MAPK8: variants seen among roughly 807,000 people sequenced by gnomAD.
The protein encoded by MAPK8 is JUN N-terminal kinase.
Under a neutral mutation model 52.9 loss-of-function variants are expected in MAPK8, and 13 were observed. The observed-to-expected ratio is 0.25, with a 90% CI of 0.16 to 0.39. The LOEUF (loss-of-function observed/expected upper bound fraction) is 0.39. Ranked by LOEUF, MAPK8 falls within the 10% of genes least tolerant of loss-of-function variation. MAPK8 has a pLI of 1.00. For missense variants in MAPK8, 300 were observed against 519.2 expected (o/e 0.58, Z 4.10); for synonymous variants, 191 against 169.8 (o/e 1.12, Z -0.97).
At chr10:48,382,573 T>C (rs1339689634) in intron 1 of MAPK8, among the ~76,000 whole-genome samples, 1 of 151,970 alleles carries the variant, frequency 6.6e-6, no homozygotes, top group Non-Finnish European at 1.5e-5. Context: ...TCAAGTTTAT[T>C]GTATATGCCT....
intron 1 of MAPK8, among the ~76,000 whole-genome samples, chr10:48,388,653 A>G (rs1421733773): frequency 1.3e-5 from 2 of 152,222 alleles, no homozygotes; most frequent in Non-Finnish European, 2.9e-5. Context: ...TCTTCAGTAT[A>G]TAATCTCAAT....
chr10:48,418,252 G>C (rs1475137394), intron 5 of MAPK8, among the ~76,000 whole-genome samples: 1 of 152,162 alleles, frequency 6.6e-6, no homozygotes, highest in Non-Finnish European at 1.5e-5. Flanking sequence ...GAGTTTCCCT[G>C]CTGCTCAACT....
In MAPK8 at chr10:48,391,692, C is replaced by A. The variant is rs190116003; in HGVS notation, c.-49-9920C>A. Among the ~76,000 whole-genome samples, 223 of 152,224 alleles carry A rather than the reference C, an allele frequency of 1.5e-3. 1 individual carries two copies. Among genetic ancestry groups the A allele is most frequent in the Middle Eastern group, 3.4e-3 (1 of 294 alleles). ...CCAATTCCATTCTGACACTAGTTAC[C>A]TGGAGATAGCATGAGATCTCACAAG... is the stretch of plus-strand genomic sequence containing the variant. On this transcript the variant is annotated intron_variant, in intron 1 of 11. Coordinates refer to ENST00000374189, the MANE Select transcript of MAPK8 (RefSeq NM_001323329.2).
intron 1 of MAPK8, among the ~76,000 whole-genome samples, chr10:48,389,148 CT>C (rs2041488569): frequency 6.6e-6 from 1 of 152,040 alleles, no homozygotes; most frequent in Non-Finnish European, 1.5e-5. Context: ...GAAAAATGAA[CT>C]TTGAGAATAC....
At chr10:48,356,899 CAAA>C (rs201368039) in intron 1 of MAPK8, among the ~76,000 whole-genome samples, 1 of 47,244 alleles carries the variant, frequency 2.1e-5, no homozygotes, top group East Asian at 7.3e-4. Flanking sequence ...CGTAGTTTAC[CAAA>C]AAAAAAAAAA....
chr10:48,356,314 G>C (rs1458554903), intron 1 of MAPK8, among the ~76,000 whole-genome samples: 1 of 152,132 alleles, frequency 6.6e-6, no homozygotes, highest in African/African-American at 2.4e-5. Flanking sequence ...AAGTTAATCA[G>C]TATGTGTGTC....
At chr10:48,399,479 C>T (rs1194992018) in intron 1 of MAPK8, among the ~76,000 whole-genome samples, 2 of 152,202 alleles carry the variant, frequency 1.3e-5, no homozygotes, top group African/African-American at 2.4e-5. Context: ...TATCCATGCT[C>T]ATCTGCCTGC....
chr10:48,381,466 T>C (rs1335976775), intron 1 of MAPK8, among the ~76,000 whole-genome samples: 1 of 152,214 alleles, frequency 6.6e-6, no homozygotes, highest in East Asian at 1.9e-4. Context: ...TAATTACATA[T>C]ATTAACTACG....
chr10:48,306,710 C>G lies in MAPK8; in HGVS notation c.-161C>G, dbSNP rs1841349121. The G allele has an allele frequency of 6.6e-6, 1 of 151,540 alleles. No individual in the cohort carries two copies. 9.4% of individuals were successfully genotyped at this position (151,540 alleles called of 1,614,324 possible). On this transcript the variant is annotated 5_prime_UTR_variant, in exon 1 of 12. Coordinates refer to ENST00000374189, the MANE Select transcript of MAPK8 (RefSeq NM_001323329.2). Reference sequence around the variant, plus strand: ...GCCGAGCGGCCGAGGCCGGACGACGCGGCTTGGATTGCGGAGCCGCGAGCA... The same window carrying G: ...GCCGAGCGGCCGAGGCCGGACGACGGGGCTTGGATTGCGGAGCCGCGAGCA...
chr10:48,424,533 G>T (rs1490883755), intron 7 of MAPK8: 1 of 1,599,718 alleles, frequency 6.3e-7, no homozygotes. Context: ...GGTCAGTTGG[G>T]TGCATCATGG....
At chr10:48,321,046 A>G (rs777255604) in intron 1 of MAPK8, among the ~76,000 whole-genome samples, 6 of 137,888 alleles carry the variant, frequency 4.4e-5, no homozygotes, top group Non-Finnish European at 6.3e-5. Context: ...TTCTTTGCCT[A>G]TTTTAAAAAT....
intron 1 of MAPK8, among the ~76,000 whole-genome samples, chr10:48,360,296 A>G (rs1254000705): frequency 2.6e-5 from 4 of 152,258 alleles, no homozygotes; most frequent in African/African-American, 9.6e-5. Context: ...AGAGAAGTGC[A>G]GACTAAAACC....
intron 11 of MAPK8, 38 bp downstream of exon 11, chr10:48,431,308 A>T: frequency 7.1e-7 from 1 of 1,408,240 alleles, no homozygotes; most frequent in Non-Finnish European, 1.0e-6. Flanking sequence ...ATTACAGTTT[A>T]CTTCTTGTGT....
chr10:48,410,659 G>A (rs1421448646), intron 5 of MAPK8, among the ~76,000 whole-genome samples: 2 of 152,144 alleles, frequency 1.3e-5, no homozygotes. Context: ...CCTGTGACTG[G>A]AAGTGCTGAG....
chr10:48,410,038 T>G lies in MAPK8; in HGVS notation c.320T>G (p.Val107Gly). The G allele has an allele frequency of 1.2e-6, 2 of 1,601,910 alleles. No homozygotes were observed. Among genetic ancestry groups the G allele is most frequent in the Non-Finnish European group, 1.7e-6 (2 of 1,175,350 alleles). Residue 107 changes from valine to glycine, a missense_variant, in exon 5 of 12, where the codon GTC becomes GGC. Val to Gly is a moderately radical substitution (Grantham distance 109). Around this residue, in one of 3 missense-constraint regions of MAPK8, gnomAD observed 147 missense variants for 328.1 expected, o/e 0.45. Transcript: ENST00000374189. ...SLEEFQDVYIVMELMDANLCQ... is the reference protein window; with the variant it reads ...SLEEFQDVYIGMELMDANLCQ... ...TTTTTTCACTCATAAAGTTACATAG[T>G]CATGGAGCTCATGGATGCAAATCTT...
chr10:48,394,846 T>C (rs1457196977), intron 1 of MAPK8, among the ~76,000 whole-genome samples: 1 of 149,844 alleles, frequency 6.7e-6, no homozygotes, highest in Non-Finnish European at 1.5e-5. Context: ...TAAGTGAGTC[T>C]ATTACAAAAT....
At chr10:48,354,914 A>G (rs1846716387) in intron 1 of MAPK8, among the ~76,000 whole-genome samples, 2 of 152,118 alleles carry the variant, frequency 1.3e-5, no homozygotes, top group African/African-American at 4.8e-5. Flanking sequence ...CTTTGGAGAA[A>G]CTCATCTCCA....
intron 5 of MAPK8, among the ~76,000 whole-genome samples, chr10:48,416,354 C>A (rs1172474695): frequency 6.6e-6 from 1 of 152,136 alleles, no homozygotes; most frequent in Non-Finnish European, 1.5e-5. Context: ...ACAAAGCTAG[C>A]CATAGACTTG....
intron 1 of MAPK8, among the ~76,000 whole-genome samples, chr10:48,313,334 G>A (rs1459747397): frequency 2.8e-4 from 43 of 152,162 alleles, no homozygotes; most frequent in Admixed American, 2.7e-3. Flanking sequence ...TTGGGAGGTT[G>A]AGGCAGGAGA....
Sources: allele counts gnomAD v4.1 joint callset (sites outside exome capture counted in the v4.1 genomes callset), GRCh38; gene constraint gnomAD v4.1.1; regional missense constraint gnomAD v4.1.1; transcripts MANE v1.5; gene names NCBI Gene and HGNC (gene_info 2026-07-23, HGNC 2026-07-21).